LRMDA: variants seen among roughly 807,000 people sequenced by gnomAD.
The protein encoded by LRMDA is leucine-rich melanocyte differentiation-associated protein.
A neutral mutation model predicts 29.8 loss-of-function variants in LRMDA; 18 were observed. The observed-to-expected ratio is 0.60, with a 90% confidence interval of 0.42 to 0.90. LRMDA has a LOEUF of 0.90. Ranked by LOEUF, LRMDA falls within the 40% of genes least tolerant of loss-of-function variation. The probability of loss-of-function intolerance (pLI) is 0.00; values close to 1 mark genes in which losing one functional copy is unlikely to be tolerated. For synonymous variants in LRMDA, 125 were observed against 109.4 expected, an observed-to-expected ratio of 1.14 and a Z score of -0.89; for missense variants, 273 against 273.9, an observed-to-expected ratio of 1.00 and a Z score of 0.02.
At chr10:75,455,363 G>A (rs1424022165) in intron 2 of LRMDA, among the ~76,000 whole-genome samples, 1 of 152,144 alleles carries the variant, frequency 6.6e-6, no homozygotes, top group Non-Finnish European at 1.5e-5. Context: ...GCCCCGAGTT[G>A]GGTTCCCAGC....
intron 2 of LRMDA, among the ~76,000 whole-genome samples, chr10:75,604,386 C>T (rs1228209902): frequency 6.6e-6 from 1 of 152,112 alleles, no homozygotes; most frequent in Non-Finnish European, 1.5e-5. Flanking sequence ...TTCAGACCCA[C>T]TGGGACACAA....
intron 2 of LRMDA, among the ~76,000 whole-genome samples, chr10:75,665,974 CT>C (rs1449272786): frequency 1.3e-5 from 2 of 151,924 alleles, no homozygotes; most frequent in Non-Finnish European, 2.9e-5. Flanking sequence ...ACTTTGAATT[CT>C]TCTTTGAACT....
chr10:76,465,384 G>A (rs1842554133), intron 6 of LRMDA, among the ~76,000 whole-genome samples: 1 of 152,144 alleles, frequency 6.6e-6, no homozygotes, highest in Non-Finnish European at 1.5e-5. Context: ...CCTCCCAGGA[G>A]CAGCCTCCTG....
chr10:75,494,185 C>T (rs1845019925), intron 2 of LRMDA, among the ~76,000 whole-genome samples: 1 of 152,324 alleles, frequency 6.6e-6, no homozygotes, highest in South Asian at 2.1e-4. Context: ...TTCTTTCCGC[C>T]TAATGCTCTG....
chr10:75,986,759 T>C (rs1471395913), intron 2 of LRMDA, among the ~76,000 whole-genome samples: 4 of 152,250 alleles, frequency 2.6e-5, no homozygotes, highest in Non-Finnish European at 5.9e-5. Flanking sequence ...CCCAGCTTCC[T>C]GAGAGGTTTA....
In LRMDA at chr10:76,010,450, C is replaced by T. The variant is rs1232554539; in HGVS notation, c.132-25558C>T. Among the ~76,000 whole-genome samples the T allele has an allele frequency of 3.9e-5, 6 of 151,946 alleles. No homozygotes were observed. In the East Asian group the frequency reaches 5.8e-4, roughly 15 times the overall value. ...GCCTCAGCCTCCTGAGTAGCTGGGA[C>T]TACAGGCGCTCACTACCATGCCTGG... On this transcript the variant is annotated intron_variant, in intron 2 of 6. Transcript: ENST00000611255.
chr10:75,861,739 C>T (rs1397127314), intron 2 of LRMDA, among the ~76,000 whole-genome samples: 1 of 152,128 alleles, frequency 6.6e-6, no homozygotes, highest in African/African-American at 2.4e-5. Context: ...ACTGTGGTGG[C>T]CCCCAATGAA....
chr10:76,210,987 A>C (rs1045737058), intron 5 of LRMDA, among the ~76,000 whole-genome samples: 2 of 152,106 alleles, frequency 1.3e-5, no homozygotes, highest in Non-Finnish European at 2.9e-5. Context: ...TTAACCTCTA[A>C]CTCACCCACT....
intron 2 of LRMDA, among the ~76,000 whole-genome samples, chr10:75,822,145 A>C (rs1292945920): frequency 2.0e-5 from 3 of 152,198 alleles, no homozygotes; most frequent in Non-Finnish European, 1.5e-5. Context: ...ATCAATGTAC[A>C]AAAACCAGTA....
intron 5 of LRMDA, among the ~76,000 whole-genome samples, chr10:76,148,982 CA>C (rs1421763283): frequency 5.3e-5 from 8 of 152,098 alleles, no homozygotes; most frequent in Non-Finnish European, 7.4e-5. Context: ...ATCTGTTTTC[CA>C]AACAGTTGTT....
chr10:76,207,391 G>A (rs552022111), intron 5 of LRMDA, among the ~76,000 whole-genome samples: 3 of 152,314 alleles, frequency 2.0e-5, no homozygotes, highest in Admixed American at 2.0e-4. Context: ...GGGATCCTAC[G>A]TCTGTGAAGC....
intron 6 of LRMDA, among the ~76,000 whole-genome samples, chr10:76,343,984 A>AT (rs888590337): frequency 2.3e-4 from 35 of 151,598 alleles, no homozygotes; most frequent in South Asian, 8.3e-4. Flanking sequence ...CGCCTGGCTA[A>AT]TTTTTTTTGG....
intron 2 of LRMDA, among the ~76,000 whole-genome samples, chr10:75,533,764 C>T (rs1417409869): frequency 6.6e-6 from 1 of 152,094 alleles, no homozygotes; most frequent in Admixed American, 6.5e-5. Context: ...GAGTTGGGCC[C>T]ACTCAGAGGA....
intron 1 of LRMDA, among the ~76,000 whole-genome samples, chr10:75,433,853 A>G (rs1462745044): frequency 1.3e-5 from 2 of 152,194 alleles, no homozygotes; most frequent in East Asian, 1.9e-4. Flanking sequence ...AAAAAACCCT[A>G]TGCAATTAAA....
At chr10:76,436,423 G>A (rs571407163) in intron 6 of LRMDA, among the ~76,000 whole-genome samples, 1 of 152,300 alleles carries the variant, frequency 6.6e-6, no homozygotes, top group African/African-American at 2.4e-5. Flanking sequence ...GGTTCCACAT[G>A]AGCCCTGTGG....
intron 2 of LRMDA, among the ~76,000 whole-genome samples, chr10:75,578,934 A>G (rs1438822506): frequency 2.0e-5 from 3 of 152,172 alleles, no homozygotes; most frequent in African/African-American, 7.2e-5. Flanking sequence ...AGGGAAATTT[A>G]TAGCACTAAA....
intron 5 of LRMDA, among the ~76,000 whole-genome samples, chr10:76,315,521 C>T (rs145678870): frequency 2.6e-4 from 40 of 152,328 alleles, no homozygotes; most frequent in East Asian, 2.5e-3. Context: ...GACTCAGCTG[C>T]GTTTGCGTGC....
intron 6 of LRMDA, among the ~76,000 whole-genome samples, chr10:76,460,984 A>C (rs144447476): frequency 5.4e-4 from 82 of 152,310 alleles, no homozygotes; most frequent in Non-Finnish European, 7.5e-4. Flanking sequence ...AACATTTTCA[A>C]GTCCCCATTT....
intron 5 of LRMDA, among the ~76,000 whole-genome samples, chr10:76,206,847 C>T (rs1851546131): frequency 6.6e-6 from 1 of 152,200 alleles, no homozygotes. Flanking sequence ...TCCACCCCTC[C>T]CAAATCAGAG....
Sources: allele counts gnomAD v4.1 joint callset (sites outside exome capture counted in the v4.1 genomes callset), GRCh38; gene constraint gnomAD v4.1.1; transcripts MANE v1.5; gene names NCBI Gene and HGNC (gene_info 2026-07-23, HGNC 2026-07-21).